MARCHF1: variants seen among roughly 807,000 people sequenced by gnomAD.
MARCHF1 encodes the protein membrane associated ring-CH-type finger 1.
MARCHF1 carries 40 observed loss-of-function variants against 54.2 expected under a neutral mutation model. The observed-to-expected ratio is 0.74, with a 90% CI of 0.57 to 0.96. The LOEUF (loss-of-function observed/expected upper bound fraction) is 0.96, where lower values mean the gene tolerates loss of function less well. MARCHF1 is among the 40% of genes least tolerant of loss of function. The pLI is 0.00. For synonymous variants in MARCHF1, 236 were observed against 236.3 expected, an observed-to-expected ratio of 1.00 and a Z score of 0.01; for missense variants, 586 against 656.5, an observed-to-expected ratio of 0.89 and a Z score of 1.17.
intron 4 of MARCHF1, among the ~76,000 whole-genome samples, chr4:163,784,426 GTTC>G (rs1296695230): frequency 2.0e-5 from 3 of 152,056 alleles, no homozygotes; most frequent in Non-Finnish European, 4.4e-5. Flanking sequence ...ATCGTCTGGT[GTTC>G]TTAATAGGCA....
chr4:163,580,313 C>T lies in MARCHF1; in HGVS notation c.1191+5436G>A, dbSNP rs191636003. On this transcript the variant is annotated intron_variant, in intron 8 of 9. Transcript: ENST00000514618. The stretch of plus-strand genomic sequence containing the variant: ...CAGGCTGGTCTCGGTCTCCTGACCT[C>T]GTGATCCGCCCGCCTCGGCCTCCCA... 5.3e-3 allele frequency among the ~76,000 whole-genome samples: 800 copies of T among 152,098 alleles called. 7 individuals are homozygous for T. Among genetic ancestry groups the T allele is most frequent in the African/African-American group, 0.019 (775 of 41,498 alleles).
intron 4 of MARCHF1, among the ~76,000 whole-genome samples, chr4:163,794,857 A>G (rs1747869173): frequency 6.6e-6 from 1 of 152,120 alleles, no homozygotes; most frequent in Non-Finnish European, 1.5e-5. Flanking sequence ...ATATAAATAT[A>G]TTTCTGGATT....
At chr4:163,637,941 A>T (rs1326048358) in intron 5 of MARCHF1, among the ~76,000 whole-genome samples, 1 of 151,230 alleles carries the variant, frequency 6.6e-6, no homozygotes, top group Non-Finnish European at 1.5e-5. Context: ...TGTCCTTTGT[A>T]GGGACATGGA....
intron 5 of MARCHF1, among the ~76,000 whole-genome samples, chr4:163,626,012 G>T (rs1463356671): frequency 6.6e-6 from 1 of 152,098 alleles, no homozygotes; most frequent in Non-Finnish European, 1.5e-5. Context: ...AAATGGGGCT[G>T]GGAAGGGAAA....
chr4:164,210,738 G>C (rs776756649), intron 1 of MARCHF1, among the ~76,000 whole-genome samples: 8 of 152,032 alleles, frequency 5.3e-5, no homozygotes, highest in Non-Finnish European at 8.8e-5. Context: ...AAGGCAGGAG[G>C]AATCTGACTC....
chr4:164,351,724 G>A (rs1359954368), intron 1 of MARCHF1, among the ~76,000 whole-genome samples: 11 of 152,202 alleles, frequency 7.2e-5, no homozygotes, highest in South Asian at 4.1e-4. Context: ...CCAAAGGAAC[G>A]CAGTTTCTCA....
In MARCHF1 at chr4:163,620,600, CACACACAGAGAGAGAGAGAGAGAG is replaced by C. The variant is rs1373906933; in HGVS notation, c.163-7231_163-7208del. On this transcript the variant is annotated intron_variant, in intron 5 of 9. Transcript: ENST00000514618. The stretch of plus-strand genomic sequence containing the variant: ...ACACACACACACACACACACACACA[CACACACAGAGAGAGAGAGAGAGAG>C]AGAGAGAGAGAGAGAGAGAGAGACA... 4.3e-4 allele frequency among the ~76,000 whole-genome samples: 33 copies of C among 76,850 alleles called. No homozygotes were observed. The East Asian group carries it at 0.012, about 29-fold the overall frequency. The allele number at this position is 76,850 out of a possible 152,430, so 50.4% of individuals were successfully genotyped here. A position where few individuals can be genotyped will look rare whatever the true frequency, so the allele number is the denominator to read the frequency against.
At chr4:163,976,450 G>A (rs547152561) in intron 3 of MARCHF1, among the ~76,000 whole-genome samples, 4 of 152,170 alleles carry the variant, frequency 2.6e-5, no homozygotes, top group African/African-American at 9.6e-5. Context: ...AAATAACTGT[G>A]GCCACAAGGC....
intron 2 of MARCHF1, among the ~76,000 whole-genome samples, chr4:164,053,107 AT>A (rs1560881317): frequency 6.6e-6 from 1 of 152,208 alleles, no homozygotes; most frequent in Non-Finnish European, 1.5e-5. Context: ...ATATGTAGTT[AT>A]TGGGGGAGCA....
chr4:164,369,007 G>A (rs1178775539), intron 1 of MARCHF1, among the ~76,000 whole-genome samples: 1 of 152,190 alleles, frequency 6.6e-6, no homozygotes, highest in South Asian at 2.1e-4. Context: ...CTGCAGGCCA[G>A]CAAAGTCTCA....
chr4:163,892,819 G>A (rs936485534), intron 3 of MARCHF1, among the ~76,000 whole-genome samples: 5 of 152,158 alleles, frequency 3.3e-5, no homozygotes, highest in Non-Finnish European at 7.4e-5. Flanking sequence ...AGTTATAGAT[G>A]CTGACATAGA....
intron 4 of MARCHF1, among the ~76,000 whole-genome samples, chr4:163,813,227 A>T (rs900476007): frequency 6.6e-6 from 1 of 152,222 alleles, no homozygotes; most frequent in Non-Finnish European, 1.5e-5. Flanking sequence ...TATACTATCC[A>T]TCATAGAGGT....
intron 1 of MARCHF1, among the ~76,000 whole-genome samples, chr4:164,309,829 G>A (rs1389191056): frequency 6.6e-6 from 1 of 152,114 alleles, no homozygotes; most frequent in Non-Finnish European, 1.5e-5. Flanking sequence ...CCAAGTAGTA[G>A]TAATGCTATA....
intron 1 of MARCHF1, among the ~76,000 whole-genome samples, chr4:164,332,271 A>G (rs1298120999): frequency 7.2e-5 from 11 of 152,188 alleles, no homozygotes. Flanking sequence ...CTCCTCTGAC[A>G]TTCCTGTTTT....
chr4:163,940,983 T>C (rs979635350), intron 3 of MARCHF1, among the ~76,000 whole-genome samples: 6 of 152,192 alleles, frequency 3.9e-5, no homozygotes, highest in East Asian at 3.9e-4. Context: ...TGGGGAGACA[T>C]AGAGGTATAA....
intron 8 of MARCHF1, among the ~76,000 whole-genome samples, chr4:163,559,067 AT>A (rs1360764902): frequency 6.6e-6 from 1 of 152,108 alleles, no homozygotes; most frequent in Non-Finnish European, 1.5e-5. Flanking sequence ...TTTCATTTAC[AT>A]TTAATTTCTT....
chr4:164,323,218 A>G (rs1482280866), intron 1 of MARCHF1, among the ~76,000 whole-genome samples: 1 of 151,846 alleles, frequency 6.6e-6, no homozygotes. Context: ...ATGTTTGATA[A>G]TGGTAGCCTA....
chr4:163,590,894 A>C lies in MARCHF1; in HGVS notation c.1011-4965T>G, dbSNP rs150584644. On this transcript the variant is annotated intron_variant, in intron 7 of 9. Coordinates refer to ENST00000514618, the MANE Select transcript of MARCHF1 (RefSeq NM_001394959.1). ...ACACTGGTGTGGCTATTGAAAATAC[A>C]ATCAGCATTATATTTGTAGTTCCGC... 1.7e-3 allele frequency among the ~76,000 whole-genome samples: 251 copies of C among 152,032 alleles called. 1 individual carries two copies. The highest frequency in any genetic ancestry group is 5.6e-3 in the African/African-American group (232 of 41,518).
intron 3 of MARCHF1, among the ~76,000 whole-genome samples, chr4:163,901,424 C>G (rs1201798825): frequency 6.6e-6 from 1 of 152,128 alleles, no homozygotes; most frequent in Non-Finnish European, 1.5e-5. Flanking sequence ...TCTTCATTAA[C>G]ACTTTGTCAC....
Sources: allele counts gnomAD v4.1 joint callset (sites outside exome capture counted in the v4.1 genomes callset), GRCh38; gene constraint gnomAD v4.1.1; transcripts MANE v1.5; gene names NCBI Gene and HGNC (gene_info 2026-07-23, HGNC 2026-07-21).